Variants in SLC30A8 observed in about 807,000 individuals in gnomAD.
SLC30A8 encodes the protein solute carrier family 30 member 8.
In SLC30A8, 27 loss-of-function variants were observed where a neutral mutation model predicts 36.9. That is an observed-to-expected ratio of 0.73 (90% CI 0.54 to 1.01). The LOEUF (loss-of-function observed/expected upper bound fraction) is 1.01, where lower values mean the gene tolerates loss of function less well. Ranked by LOEUF, SLC30A8 falls within the 50% of genes least tolerant of loss-of-function variation. The pLI is 0.00. For missense variants in SLC30A8, 439 were observed against 452.0 expected (o/e 0.97, Z 0.26); for synonymous variants, 164 against 172.4 (o/e 0.95, Z 0.38).
chr8:117,171,660 T>C (rs1194376771), intron 7 of SLC30A8, among the ~76,000 whole-genome samples: 1 of 152,152 alleles, frequency 6.6e-6, no homozygotes. Flanking sequence ...CACTGTATGA[T>C]TAGAAATTCT....
intron 2 of SLC30A8, among the ~76,000 whole-genome samples, chr8:117,059,449 A>G (rs758044413): frequency 6.6e-6 from 1 of 152,226 alleles, no homozygotes; most frequent in Non-Finnish European, 1.5e-5. Context: ...CTGAACAAAT[A>G]TTCATGTAAC....
intron 1 of SLC30A8, among the ~76,000 whole-genome samples, chr8:116,994,561 A>C (rs1240611087): frequency 6.6e-6 from 1 of 152,130 alleles, no homozygotes; most frequent in Non-Finnish European, 1.5e-5. Context: ...CTATTTGCTC[A>C]TGTTAAGAAA....
intron 2 of SLC30A8, among the ~76,000 whole-genome samples, chr8:117,100,072 C>T (rs1819640563): frequency 6.6e-6 from 1 of 152,076 alleles, no homozygotes; most frequent in South Asian, 2.1e-4. Context: ...CCTTCCTGTA[C>T]CCTCAAACCC....
At chr8:117,038,224 A>G (rs184970852) in intron 1 of SLC30A8, among the ~76,000 whole-genome samples, 4 of 152,242 alleles carry the variant, frequency 2.6e-5, no homozygotes, top group African/African-American at 7.2e-5. Context: ...CCTCTCTTTT[A>G]GCCCCCAAAT....
At chr8:117,022,675 T>G (rs2130725849) in intron 1 of SLC30A8, among the ~76,000 whole-genome samples, 1 of 152,342 alleles carries the variant, frequency 6.6e-6, no homozygotes, top group East Asian at 1.9e-4. Context: ...GCTAGCCATA[T>G]GTAGAAAGCA....
chr8:117,130,346 T>G (rs543713358), upstream of SLC30A8: 1 of 152,080 alleles, frequency 6.6e-6, no homozygotes, highest in African/African-American at 2.4e-5. Flanking sequence ...GGCCTGGAGA[T>G]TCAGAGGAGA....
chr8:117,035,361 C>A (rs1286734960), intron 1 of SLC30A8, among the ~76,000 whole-genome samples: 1 of 152,188 alleles, frequency 6.6e-6, no homozygotes, highest in Non-Finnish European at 1.5e-5. Context: ...GCTGTAGGCC[C>A]CATGCAAGTC....
Position 117,125,011 on chromosome 8 carries a change from AT to A in SLC30A8, c.-225-10268del, listed in dbSNP as rs568976098. On this transcript the variant is annotated intron_variant, in intron 2 of 10. Transcript: ENST00000427715. The stretch of plus-strand genomic sequence containing the variant: ...AAGGAAAACATCAACAATAAAAAAA[AT>A]ATTGAGATACCAAAATTCTAACATC... 1.9e-4 allele frequency among the ~76,000 whole-genome samples: 29 copies of A among 152,120 alleles called. No homozygotes were observed. The East Asian group carries it at 4.9e-3, about 26-fold the overall frequency.
intron 1 of SLC30A8, among the ~76,000 whole-genome samples, chr8:117,004,812 A>G (rs967050078): frequency 6.6e-6 from 1 of 152,198 alleles, no homozygotes; most frequent in Admixed American, 6.5e-5. Flanking sequence ...TTTTCTGGGT[A>G]AACTATATAA....
chr8:117,002,974 G>T lies in SLC30A8; in HGVS notation c.-265-36245G>T, dbSNP rs111950583. Among the ~76,000 whole-genome samples the T allele has an allele frequency of 5.8e-3, 886 of 152,226 alleles. 8 individuals carry two copies. Among genetic ancestry groups the T allele is most frequent in the African/African-American group, 0.02 (835 of 41,530 alleles). On this transcript the variant is annotated intron_variant, in intron 1 of 10. Transcript: ENST00000427715. Reference sequence around the variant, plus strand: ...ATTTTGAAATATTTTATCATGCCCAGATTAACCAACTTGGATCTCATACAG... The same window carrying T: ...ATTTTGAAATATTTTATCATGCCCATATTAACCAACTTGGATCTCATACAG...
chr8:117,012,724 T>TACACACACACAC (rs376889831), intron 1 of SLC30A8, among the ~76,000 whole-genome samples: 6,741 of 126,280 alleles, frequency 0.053, 268 homozygotes, highest in African/African-American at 0.09. Flanking sequence ...GACATATGTA[T>TACACACACACAC]ACACACACAC....
intron 1 of SLC30A8, among the ~76,000 whole-genome samples, chr8:116,955,130 G>A (rs1176053007): frequency 2.0e-5 from 3 of 152,176 alleles, no homozygotes; most frequent in Non-Finnish European, 2.9e-5. Flanking sequence ...AGGAAAGTGG[G>A]AACAATTTGA....
intron 1 of SLC30A8, among the ~76,000 whole-genome samples, chr8:116,998,271 C>G (rs1477734808): frequency 6.6e-6 from 1 of 152,132 alleles, no homozygotes; most frequent in Non-Finnish European, 1.5e-5. Flanking sequence ...GGTGGTAGAG[C>G]TAGAGTGAAG....
intron 2 of SLC30A8, among the ~76,000 whole-genome samples, chr8:117,042,112 T>G (rs1301637826): frequency 6.6e-6 from 1 of 152,264 alleles, no homozygotes; most frequent in Non-Finnish European, 1.5e-5. Flanking sequence ...CCCTTTTGAC[T>G]GAAGCATTGC....
intron 2 of SLC30A8, among the ~76,000 whole-genome samples, chr8:117,075,183 A>G (rs1357276072): frequency 6.6e-6 from 1 of 152,174 alleles, no homozygotes; most frequent in Admixed American, 6.6e-5. Context: ...ATACGATCAC[A>G]AACATAGTAA....
intron 1 of SLC30A8, among the ~76,000 whole-genome samples, chr8:116,976,342 A>C (rs1815009389): frequency 6.6e-6 from 1 of 151,806 alleles, no homozygotes; most frequent in Non-Finnish European, 1.5e-5. Context: ...AGTTGGAAAA[A>C]GATGTGCACA....
intron 2 of SLC30A8, among the ~76,000 whole-genome samples, chr8:117,070,538 A>G (rs1818300960): frequency 6.6e-6 from 1 of 152,256 alleles, no homozygotes; most frequent in Non-Finnish European, 1.5e-5. Context: ...TTTATTGGTT[A>G]AAGCAAGACA....
chr8:117,002,358 T>C (rs1465140199), intron 1 of SLC30A8, among the ~76,000 whole-genome samples: 1 of 152,172 alleles, frequency 6.6e-6, no homozygotes, highest in East Asian at 1.9e-4. Context: ...TGTTACAAAT[T>C]ACATGCCTTA....
intron 1 of SLC30A8, among the ~76,000 whole-genome samples, chr8:117,141,378 A>G (rs1411186659): frequency 6.6e-6 from 1 of 152,142 alleles, no homozygotes; most frequent in Non-Finnish European, 1.5e-5. Context: ...CTGAAATACA[A>G]AGTGATACAA....
Sources: allele counts gnomAD v4.1 joint callset (sites outside exome capture counted in the v4.1 genomes callset), GRCh38; gene constraint gnomAD v4.1.1; transcripts MANE v1.5; gene names NCBI Gene and HGNC (gene_info 2026-07-23, HGNC 2026-07-21).